Variants in TMEM131 observed in about 807,000 individuals in gnomAD.
TMEM131 encodes transmembrane protein 131.
A neutral mutation model predicts 211.6 loss-of-function variants in TMEM131; 66 were observed. That is an observed-to-expected ratio of 0.31 (90% CI 0.26 to 0.38). The LOEUF (loss-of-function observed/expected upper bound fraction) is 0.38, where lower values mean the gene tolerates loss of function less well. Among genes scored for constraint, TMEM131 ranks in the 10% least tolerant of loss-of-function variants. TMEM131 has a pLI of 1.00. For missense variants in TMEM131, 2,036 were observed against 2,299.3 expected (o/e 0.89, Z 2.34); for synonymous variants, 844 against 841.3 (o/e 1.00, Z -0.06).
chr2:97,984,601 T>C (rs1436469732), intron 1 of TMEM131, among the ~76,000 whole-genome samples: 3 of 152,134 alleles, frequency 2.0e-5, no homozygotes, highest in Non-Finnish European at 4.4e-5. Flanking sequence ...CTCATTTTAA[T>C]ACCAGGTCTC....
intron 3 of TMEM131, among the ~76,000 whole-genome samples, chr2:97,896,679 T>A (rs185031080): frequency 1.3e-5 from 2 of 152,126 alleles, no homozygotes. Flanking sequence ...ACTAGGATTG[T>A]AACCCCTGCT....
chr2:97,855,453 A>T (rs1673802532), intron 5 of TMEM131, among the ~76,000 whole-genome samples: 1 of 152,192 alleles, frequency 6.6e-6, no homozygotes, highest in Non-Finnish European at 1.5e-5. Flanking sequence ...TCATCCCGGC[A>T]CTTTGGGAGG....
At chr2:97,797,073 C>T in intron 26 of TMEM131, 87 bp from the exon 27 acceptor site, 1 of 1,338,568 alleles carries the variant, frequency 7.5e-7, no homozygotes, top group Non-Finnish European at 1.0e-6. Flanking sequence ...TTTTACAGAG[C>T]ACCACATAGA....
chr2:97,795,205 A>G (rs1680702288), intron 28 of TMEM131, 90 bp from the exon 29 acceptor site: 10 of 888,964 alleles, frequency 1.1e-5, no homozygotes, highest in South Asian at 6.4e-5. Context: ...CCTTTGAAAT[A>G]TAACACAGAA....
chr2:97,868,823 G>C (rs1460250273), intron 4 of TMEM131, among the ~76,000 whole-genome samples: 1 of 152,170 alleles, frequency 6.6e-6, no homozygotes, highest in East Asian at 1.9e-4. Flanking sequence ...TCAAATTGTT[G>C]AATTCCTCTT....
intron 2 of TMEM131, among the ~76,000 whole-genome samples, chr2:97,912,142 G>A (rs1229993157): frequency 1.3e-5 from 2 of 151,894 alleles, no homozygotes; most frequent in African/African-American, 4.8e-5. Context: ...GATAAAAACA[G>A]GCAAATAAGG....
At chr2:97,914,243 A>C (rs553827939) in intron 2 of TMEM131, among the ~76,000 whole-genome samples, 9 of 152,292 alleles carry the variant, frequency 5.9e-5, no homozygotes, top group African/African-American at 2.2e-4. Context: ...CTGTAGATTC[A>C]CATGCAGTTG....
intron 29 of TMEM131, among the ~76,000 whole-genome samples, chr2:97,794,648 G>A (rs1326844559): frequency 6.6e-6 from 1 of 152,124 alleles, no homozygotes; most frequent in Non-Finnish European, 1.5e-5. Context: ...TTATATATAT[G>A]CCCAAGTCAA....
rs1323286430 is a variant in TMEM131 at position 97,834,790 on chromosome 2, C to T, written c.940G>A (p.Val314Ile). Residue 314 changes from valine (V) to isoleucine (I), a missense_variant, in exon 9 of 41, where the codon GTT becomes ATT. This residue lies in a region of TMEM131 where 277 missense variants were observed against 378.0 expected (regional missense o/e 0.73). Coordinates refer to ENST00000186436, the MANE Select transcript of TMEM131 (RefSeq NM_015348.2). The stretch of plus-strand genomic sequence containing the variant: ...TTCCACTAACCTGTTGTAACTTCAA[C>T]CTCAACAGGAAGAATGATAAACTCT... Reference protein sequence around the residue: ...STEFIILPVEVEVTTAPGIYS... With the variant: ...STEFIILPVEIEVTTAPGIYS... 4 of 1,613,394 alleles carry T rather than the reference C, an allele frequency of 2.5e-6. No homozygotes were observed. In the Admixed American group the frequency reaches 6.7e-5, roughly 27 times the overall value.
chr2:97,850,602 T>G (rs1673583417), intron 5 of TMEM131, among the ~76,000 whole-genome samples: 1 of 152,112 alleles, frequency 6.6e-6, no homozygotes, highest in Admixed American at 6.5e-5. Context: ...AACATTTACC[T>G]ATGTAACGAA....
At chr2:97,760,430 C>T (rs1678766964) in intron 38 of TMEM131, 163 bp downstream of exon 38, 3 of 685,564 alleles carry the variant, frequency 4.4e-6, no homozygotes, top group African/African-American at 1.8e-5. Flanking sequence ...TTTCTGCTTC[C>T]ACCCAGCAGA....
chr2:97,761,985 G>A (rs1374032369), intron 36 of TMEM131, 50 bp downstream of exon 36: 2 of 1,510,360 alleles, frequency 1.3e-6, no homozygotes, highest in African/African-American at 1.4e-5. Context: ...GTGACATCGG[G>A]TTTTAGGCAC....
At position 97,766,144 on chromosome 2, in the gene TMEM131, C is replaced by A; in HGVS notation, c.4693G>T (p.Asp1565Tyr). ...GEKDSPPPEW[D>Y]SVPVHKPGSS... ...CCAGGTTTGTGAACTGGAACGGAAT[C>A]CCACTCCGGTGGAGGAGAGTCTTTT... Residue 1565 changes from aspartate (D) to tyrosine (Y), a missense_variant, in exon 35 of 41, where the codon GAT becomes TAT. By Grantham distance (160) the Asp-to-Tyr change is radical. Around this residue, in one of 3 missense-constraint regions of TMEM131, gnomAD observed 1,623 missense variants for 1,805.9 expected, o/e 0.90. Coordinates refer to ENST00000186436, the MANE Select transcript of TMEM131 (RefSeq NM_015348.2). 3 of 1,614,018 alleles carry A rather than the reference C, an allele frequency of 1.9e-6. No homozygotes were observed. The highest frequency in any genetic ancestry group is 2.5e-6 in the Non-Finnish European group (3 of 1,179,880).
At chr2:97,929,580 G>A (rs1470474633) in intron 1 of TMEM131, among the ~76,000 whole-genome samples, 1 of 151,718 alleles carries the variant, frequency 6.6e-6, no homozygotes, top group Non-Finnish European at 1.5e-5. Context: ...CTCGTTGGAT[G>A]TTTTTTCTGC....
intron 1 of TMEM131, among the ~76,000 whole-genome samples, chr2:97,980,886 C>T (rs1269433012): frequency 1.3e-5 from 2 of 151,612 alleles, no homozygotes; most frequent in African/African-American, 4.8e-5. Flanking sequence ...TGACACATAA[C>T]AGATCAGTGG....
At chr2:97,937,966 C>A (rs1280632910) in intron 1 of TMEM131, among the ~76,000 whole-genome samples, 1 of 152,124 alleles carries the variant, frequency 6.6e-6, no homozygotes, top group Admixed American at 6.5e-5. Flanking sequence ...CCTTTACAGA[C>A]AAACAAATAC....
At chr2:97,912,658 T>C (rs1676333868) in intron 2 of TMEM131, among the ~76,000 whole-genome samples, 1 of 152,160 alleles carries the variant, frequency 6.6e-6, no homozygotes, top group Non-Finnish European at 1.5e-5. Flanking sequence ...AAGGAAAATA[T>C]GTATATGCAT....
intron 19 of TMEM131, among the ~76,000 whole-genome samples, chr2:97,808,134 A>T (rs1196399060): frequency 6.6e-6 from 1 of 152,186 alleles, no homozygotes. Flanking sequence ...CATAGCCTGA[A>T]GGTAATTTTA....
rs1005019471 is a variant in TMEM131 at position 97,962,565 on chromosome 2, T to C, written c.187+32911A>G. Among the ~76,000 whole-genome samples, 5 of 152,214 alleles carry C rather than the reference T, an allele frequency of 3.3e-5. No individual in the cohort carries two copies. In the South Asian group the frequency reaches 8.3e-4, roughly 25 times the overall value. On this transcript the variant is annotated intron_variant, in intron 1 of 40. Transcript: ENST00000186436. The stretch of plus-strand genomic sequence containing the variant: ...CTGAAATGACTGACAACATCAAGTG[T>C]TGGGGAAAGACATACTGTAAAATCA...
Sources: allele counts gnomAD v4.1 joint callset (sites outside exome capture counted in the v4.1 genomes callset), GRCh38; gene constraint gnomAD v4.1.1; regional missense constraint gnomAD v4.1.1; transcripts MANE v1.5; gene names NCBI Gene and HGNC (gene_info 2026-07-23, HGNC 2026-07-21).